The following KLRG1 variants were observed in gnomAD, a reference collection of about 807,000 sequenced individuals.
KLRG1 encodes killer cell lectin-like receptor subfamily G member 1.
Under a neutral mutation model 21.8 loss-of-function variants are expected in KLRG1, and 16 were observed. That is an observed-to-expected ratio of 0.73 (90% CI 0.50 to 1.11). The LOEUF is 1.11. Among genes scored for constraint, KLRG1 ranks in the 50% most tolerant of loss-of-function variants. The pLI, the probability that KLRG1 is intolerant of heterozygous loss-of-function variation, is 0.00. For synonymous variants in KLRG1, 69 were observed against 75.9 expected (o/e 0.91, Z 0.47); for missense variants, 173 against 218.3 (o/e 0.79, Z 1.31).
chr12:9,017,046 G>A, the KLRG1 span, among the ~76,000 whole-genome samples: 3 of 151,664 alleles, frequency 2.0e-5, no homozygotes, highest in Admixed American at 6.6e-5. Context: ...CGGGCAGATC[G>A]CAAGGTCAGG....
chr12:9,037,811 T>G, the KLRG1 span, among the ~76,000 whole-genome samples: 1 of 152,242 alleles, frequency 6.6e-6, no homozygotes, highest in African/African-American at 2.4e-5. Flanking sequence ...CAGTCCAGGT[T>G]TGTAGCCTAG....
the KLRG1 span, chr12:9,181,920 G>T: frequency 6.4e-7 from 1 of 1,556,946 alleles, no homozygotes. Context: ...TAAAATAGAT[G>T]GCACCTACAG....
At chr12:9,035,121 G>C in the KLRG1 span, among the ~76,000 whole-genome samples, 1 of 152,188 alleles carries the variant, frequency 6.6e-6, no homozygotes, top group East Asian at 1.9e-4. Flanking sequence ...TGTGTGGTAA[G>C]CTGTGCGTTC....
At chr12:9,011,550 A>G (rs763218029), downstream of KLRG1, among the ~76,000 whole-genome samples, 25 of 152,354 alleles carry the variant, frequency 1.6e-4, no homozygotes, top group African/African-American at 6.0e-4. Flanking sequence ...AAATCCAGGA[A>G]CACACAGGAG....
At chr12:9,199,052 A>G in the KLRG1 span, among the ~76,000 whole-genome samples, 139,245 of 152,174 alleles carry the variant, frequency 0.92, 63,866 homozygotes, top group East Asian at 1. Flanking sequence ...GGAAAGGAAC[A>G]TCATAGGTAA....
At chr12:9,068,587 A>T in the KLRG1 span, among the ~76,000 whole-genome samples, 1 of 152,206 alleles carries the variant, frequency 6.6e-6, no homozygotes, top group East Asian at 1.9e-4. Flanking sequence ...ATGTATGTAT[A>T]AGAGACAAAA....
chr12:9,043,132 G>A, the KLRG1 span, among the ~76,000 whole-genome samples: 4 of 146,790 alleles, frequency 2.7e-5, no homozygotes, highest in Non-Finnish European at 5.9e-5. Flanking sequence ...CTGGAGTGCA[G>A]TGGTGCACTC....
downstream of KLRG1, among the ~76,000 whole-genome samples, chr12:9,012,798 C>A (rs1191639698): frequency 6.6e-6 from 1 of 151,966 alleles, no homozygotes; most frequent in Non-Finnish European, 1.5e-5. Context: ...AAGGTAGAGA[C>A]CCAGGCCTGG....
At chr12:9,101,564 G>A in the KLRG1 span, 1 of 1,613,982 alleles carries the variant, frequency 6.2e-7, no homozygotes, top group African/African-American at 1.3e-5. Flanking sequence ...GCTCAAGGTG[G>A]ACAAAGCTCT....
the KLRG1 span, among the ~76,000 whole-genome samples, chr12:9,175,556 C>G: frequency 3.3e-5 from 5 of 152,160 alleles, no homozygotes; most frequent in African/African-American, 4.8e-5. Context: ...TTTTCCCAAT[C>G]TAACCACCTG....
intron 1 of KLRG1, chr12:8,971,316 T>A (rs1352197261): frequency 6.6e-6 from 1 of 151,320 alleles, no homozygotes; most frequent in Non-Finnish European, 1.5e-5. Flanking sequence ...TTAAATTCTG[T>A]TTTTTTTCCA....
At chr12:9,099,239 T>A in the KLRG1 span, 1 of 748,352 alleles carries the variant, frequency 1.3e-6, no homozygotes, top group South Asian at 1.9e-5. Flanking sequence ...CTTCTTAGTG[T>A]GACTCTGCCA....
At chr12:9,119,867 C>T in the KLRG1 span, among the ~76,000 whole-genome samples, 8 of 152,102 alleles carry the variant, frequency 5.3e-5, 1 homozygote, top group African/African-American at 1.9e-4. Flanking sequence ...CACGACAGAG[C>T]CTCCTATTCT....
chr12:9,151,564 G>T, the KLRG1 span: 1 of 1,543,664 alleles, frequency 6.5e-7, no homozygotes, highest in South Asian at 1.1e-5. Context: ...TTAGAAAGAC[G>T]ACCCATATGT....
At chr12:9,050,023 C>T in the KLRG1 span, among the ~76,000 whole-genome samples, 2 of 152,098 alleles carry the variant, frequency 1.3e-5, no homozygotes, top group Non-Finnish European at 1.5e-5. Context: ...CCTGACTTGC[C>T]ACCTAGTGTC....
chr12:9,067,467 G>T, the KLRG1 span: 1 of 293,436 alleles, frequency 3.4e-6, no homozygotes, highest in African/African-American at 2.2e-5. Flanking sequence ...CACCCTTTGG[G>T]TTTTTCATAG....
chr12:9,203,702 C>G, the KLRG1 span: 2 of 1,556,302 alleles, frequency 1.3e-6, no homozygotes, highest in Non-Finnish European at 1.8e-6. Context: ...AGCTCCATCA[C>G]CATGACCTAT....
chr12:9,111,603 T>C, the KLRG1 span: 1 of 451,648 alleles, frequency 2.2e-6, no homozygotes, highest in Non-Finnish European at 4.4e-6. Flanking sequence ...CATAATCTTT[T>C]GTCTTTGGAG....
At chr12:9,164,130 C>T in the KLRG1 span, 29 of 1,610,354 alleles carry the variant, frequency 1.8e-5, no homozygotes, top group Middle Eastern at 4.9e-4. Context: ...TACTGTCACT[C>T]ACCCAGAGTT....
Sources: allele counts gnomAD v4.1 joint callset (sites outside exome capture counted in the v4.1 genomes callset), GRCh38; gene constraint gnomAD v4.1.1; transcripts MANE v1.5; gene names NCBI Gene and HGNC (gene_info 2026-07-23, HGNC 2026-07-21).